The following ATP10B variants were observed in gnomAD, a reference collection of about 807,000 sequenced individuals.
ATP10B encodes the protein ATPase phospholipid transporting 10B (putative).
In ATP10B, 122 loss-of-function variants were observed where a neutral mutation model predicts 141.2. The ratio of observed to expected loss-of-function variants is 0.86; its 90% confidence interval spans 0.75 to 1.00. The LOEUF is 1.00. ATP10B is among the 50% of genes least tolerant of loss of function. The probability of loss-of-function intolerance (pLI) is 0.00; values close to 1 mark genes in which losing one functional copy is unlikely to be tolerated. For missense variants in ATP10B, 1,876 were observed against 1,825.3 expected (o/e 1.03, Z -0.51); for synonymous variants, 685 against 692.0 (o/e 0.99, Z 0.16).
chr5:160,724,043 A>G (rs1227100173), intron 2 of ATP10B, among the ~76,000 whole-genome samples: 2 of 152,190 alleles, frequency 1.3e-5, no homozygotes, highest in East Asian at 1.9e-4. Flanking sequence ...AAATCACTGC[A>G]TGTTCTCATT....
intron 1 of ATP10B, among the ~76,000 whole-genome samples, chr5:160,814,786 C>G (rs1294147273): frequency 1.3e-5 from 2 of 148,876 alleles, no homozygotes; most frequent in African/African-American, 4.9e-5. Context: ...CAGCTGATCT[C>G]TCAGCAGAAA....
the ATP10B span, among the ~76,000 whole-genome samples, chr5:160,928,061 G>A: frequency 6.6e-6 from 1 of 152,198 alleles, no homozygotes; most frequent in Non-Finnish European, 1.5e-5. Flanking sequence ...TGGTGGACCT[G>A]ATATGAGGTG....
chr5:160,902,819 A>G, the ATP10B span, among the ~76,000 whole-genome samples: 1 of 152,214 alleles, frequency 6.6e-6, no homozygotes, highest in Non-Finnish European at 1.5e-5. Context: ...GAAGGGACAC[A>G]TTGATTAGTA....
chr5:160,852,700 A>G (rs1282737093), upstream of ATP10B, among the ~76,000 whole-genome samples: 7 of 152,162 alleles, frequency 4.6e-5, no homozygotes, highest in East Asian at 1.3e-3. Flanking sequence ...AACTTACAGA[A>G]AATCAGAATT....
intron 18 of ATP10B, among the ~76,000 whole-genome samples, chr5:160,608,190 T>C (rs1757507709): frequency 6.6e-6 from 1 of 152,224 alleles, no homozygotes; most frequent in African/African-American, 2.4e-5. Flanking sequence ...TTTGGTTTTC[T>C]GTCCTTGTGA....
At chr5:160,583,305 CTGTT>C (rs1422693011) in intron 24 of ATP10B, among the ~76,000 whole-genome samples, 8 of 152,050 alleles carry the variant, frequency 5.3e-5, no homozygotes, top group Admixed American at 3.9e-4. Context: ...CTATTCCTTT[CTGTT>C]TGTTAGTTTC....
chr5:160,878,573 G>T, the ATP10B span, among the ~76,000 whole-genome samples: 103 of 151,644 alleles, frequency 6.8e-4, no homozygotes, highest in South Asian at 0.017. Flanking sequence ...CACAGCAAAA[G>T]AAACTACCGT....
chr5:160,825,029 T>C (rs1467230922), intron 1 of ATP10B, among the ~76,000 whole-genome samples: 1 of 152,216 alleles, frequency 6.6e-6, no homozygotes, highest in Admixed American at 6.5e-5. Flanking sequence ...AACCATTCTC[T>C]GGGACTTTAA....
At chr5:160,769,799 C>A (rs999429660) in intron 2 of ATP10B, among the ~76,000 whole-genome samples, 28 of 152,164 alleles carry the variant, frequency 1.8e-4, no homozygotes, top group Non-Finnish European at 3.4e-4. Flanking sequence ...CACAATCAGA[C>A]CAAAAGCAGA....
chr5:160,831,374 C>T (rs1775070553), intron 1 of ATP10B, among the ~76,000 whole-genome samples: 1 of 152,032 alleles, frequency 6.6e-6, no homozygotes, highest in Non-Finnish European at 1.5e-5. Flanking sequence ...CCTCTTCTGG[C>T]AGAACACATT....
intron 2 of ATP10B, among the ~76,000 whole-genome samples, chr5:160,755,209 G>A (rs148637378): frequency 2.0e-5 from 3 of 152,230 alleles, no homozygotes; most frequent in Admixed American, 6.5e-5. Flanking sequence ...AAGAGACAGT[G>A]AAGGGAGAGG....
intron 2 of ATP10B, among the ~76,000 whole-genome samples, chr5:160,725,046 AC>A (rs754635209): frequency 2.6e-5 from 4 of 152,236 alleles, no homozygotes; most frequent in Non-Finnish European, 5.9e-5. Flanking sequence ...TGTAGGAAAC[AC>A]TAAATAAATA....
intron 7 of ATP10B, among the ~76,000 whole-genome samples, chr5:160,651,202 C>T (rs1199837406): frequency 4.6e-5 from 7 of 152,112 alleles, no homozygotes; most frequent in African/African-American, 1.7e-4. Flanking sequence ...CATGGTCAAA[C>T]CTATTTAAAT....
At chr5:160,599,755 T>A (rs1756979359) in intron 21 of ATP10B, among the ~76,000 whole-genome samples, 1 of 152,228 alleles carries the variant, frequency 6.6e-6, no homozygotes, top group Non-Finnish European at 1.5e-5. Context: ...CAAGATCTCC[T>A]CTCTTGTGGG....
At chr5:160,587,471 T>C (rs958498386) in intron 24 of ATP10B, among the ~76,000 whole-genome samples, 2 of 152,208 alleles carry the variant, frequency 1.3e-5, no homozygotes, top group Admixed American at 6.5e-5. Flanking sequence ...CTGTGAATAA[T>C]GTTGATGGTA....
At chr5:160,644,663 A>G (rs1476698848) in intron 8 of ATP10B, among the ~76,000 whole-genome samples, 1 of 152,188 alleles carries the variant, frequency 6.6e-6, no homozygotes, top group Non-Finnish European at 1.5e-5. Flanking sequence ...CACCAGAGCC[A>G]TGACAGTTTA....
intron 3 of ATP10B, among the ~76,000 whole-genome samples, chr5:160,703,932 G>A (rs958366468): frequency 2.6e-5 from 4 of 152,110 alleles, no homozygotes; most frequent in East Asian, 1.9e-4. Flanking sequence ...CTCCTTGTAC[G>A]TTTTCATCAG....
intron 1 of ATP10B, among the ~76,000 whole-genome samples, chr5:160,801,409 A>G (rs1052457556): frequency 4.6e-5 from 7 of 152,100 alleles, no homozygotes; most frequent in African/African-American, 1.7e-4. Flanking sequence ...AGGCTGAGTG[A>G]CTGGGAGATG....
intron 24 of ATP10B, among the ~76,000 whole-genome samples, chr5:160,581,058 C>T (rs1206746634): frequency 6.6e-6 from 1 of 151,200 alleles, no homozygotes; most frequent in Non-Finnish European, 1.5e-5. Flanking sequence ...ATTAGTCTGG[C>T]TAGTGGTCTA....
Sources: gnomAD v4.1 joint callset for allele counts (sites outside exome capture counted in the v4.1 genomes callset) on GRCh38, gnomAD v4.1.1 for gene constraint, MANE v1.5 for transcripts, NCBI Gene and HGNC (gene_info 2026-07-23, HGNC 2026-07-21) for gene names.